The following NMBR variants were observed in gnomAD, a reference collection of about 807,000 sequenced individuals.
NMBR encodes the protein neuromedin-B receptor.
Under a neutral mutation model 20.5 loss-of-function variants are expected in NMBR, and 16 were observed. That is an observed-to-expected ratio of 0.78 (90% CI 0.53 to 1.19). NMBR has a LOEUF of 1.19. Among genes scored for constraint, NMBR ranks in the 50% most tolerant of loss-of-function variants. The probability of loss-of-function intolerance (pLI) is 0.00; values close to 1 mark genes in which losing one functional copy is unlikely to be tolerated. For synonymous variants in NMBR, 212 were observed against 196.6 expected, an observed-to-expected ratio of 1.08 and a Z score of -0.65; for missense variants, 582 against 499.1, an observed-to-expected ratio of 1.17 and a Z score of -1.58.
chr6:142,143,983 C>T (rs1358028602), intron 1 of NMBR, among the ~76,000 whole-genome samples: 5 of 152,142 alleles, frequency 3.3e-5, no homozygotes, highest in African/African-American at 7.2e-5. Flanking sequence ...TTTGTGAATA[C>T]ATTATATTCG....
At chr6:142,097,606 T>C (rs558852058) in intron 1 of NMBR, among the ~76,000 whole-genome samples, 2 of 152,216 alleles carry the variant, frequency 1.3e-5, no homozygotes, top group South Asian at 4.1e-4. Flanking sequence ...CTGGGGGCTG[T>C]CTGTGATGTT....
chr6:142,097,640 G>A (rs1213144044), intron 1 of NMBR, among the ~76,000 whole-genome samples: 1 of 151,964 alleles, frequency 6.6e-6, no homozygotes, highest in Non-Finnish European at 1.5e-5. Context: ...ACGCAACAAG[G>A]TAAAATTAAA....
chr6:142,127,361 C>A (rs1778058784), intron 1 of NMBR, among the ~76,000 whole-genome samples: 1 of 151,836 alleles, frequency 6.6e-6, no homozygotes, highest in Non-Finnish European at 1.5e-5. Flanking sequence ...GTTTTTATGC[C>A]AATACTATAC....
At chr6:142,086,652 C>A (rs1268239947) in intron 2 of NMBR, among the ~76,000 whole-genome samples, 1 of 152,008 alleles carries the variant, frequency 6.6e-6, no homozygotes, top group East Asian at 1.9e-4. Context: ...AAGTATTCAT[C>A]CTGTATTCAC....
At chr6:142,122,489 T>G (rs927368810) in intron 1 of NMBR, among the ~76,000 whole-genome samples, 7 of 151,990 alleles carry the variant, frequency 4.6e-5, no homozygotes, top group African/African-American at 1.7e-4. Context: ...AAATAATTGA[T>G]GAAGGTGGCA....
chr6:142,141,233 G>A (rs1423445003), intron 1 of NMBR, among the ~76,000 whole-genome samples: 1 of 151,934 alleles, frequency 6.6e-6, no homozygotes, highest in Non-Finnish European at 1.5e-5. Context: ...TGGTCACAAT[G>A]GAATTAAACT....
intron 1 of NMBR, among the ~76,000 whole-genome samples, chr6:142,122,686 A>G (rs902815633): frequency 3.9e-5 from 6 of 151,932 alleles, no homozygotes; most frequent in Admixed American, 3.9e-4. Flanking sequence ...TTTGGAATTC[A>G]AAAAATCCTG....
At chr6:142,132,884 A>G (rs1400107852) in intron 1 of NMBR, among the ~76,000 whole-genome samples, 1 of 145,570 alleles carries the variant, frequency 6.9e-6, no homozygotes, top group Non-Finnish European at 1.6e-5. Context: ...CTGGCTGGCT[A>G]TGCTGACAGT....
chr6:142,094,374 A>G (rs1441847090), intron 1 of NMBR, among the ~76,000 whole-genome samples: 2 of 152,070 alleles, frequency 1.3e-5, no homozygotes, highest in Non-Finnish European at 1.5e-5. Context: ...CATATGGCTG[A>G]CCAGTTTTCC....
intron 1 of NMBR, among the ~76,000 whole-genome samples, chr6:142,137,705 G>A (rs536654891): frequency 1.0e-3 from 158 of 152,208 alleles, no homozygotes; most frequent in African/African-American, 3.5e-3. Flanking sequence ...TTAGCATGAA[G>A]CGTTGTTGAA....
At chr6:142,117,302 C>T (rs1021895526) in intron 1 of NMBR, among the ~76,000 whole-genome samples, 1 of 151,840 alleles carries the variant, frequency 6.6e-6, no homozygotes, top group Admixed American at 6.6e-5. Context: ...AACATAATCA[C>T]CTCACATATA....
At chr6:142,120,594 G>T (rs575684553) in intron 1 of NMBR, among the ~76,000 whole-genome samples, 11 of 151,992 alleles carry the variant, frequency 7.2e-5, no homozygotes, top group African/African-American at 2.6e-4. Context: ...TACAAACAGG[G>T]CTGAAAGTAA....
At chr6:142,139,516 T>C (rs1016230413) in intron 1 of NMBR, among the ~76,000 whole-genome samples, 22 of 152,200 alleles carry the variant, frequency 1.4e-4, no homozygotes, top group African/African-American at 5.3e-4. Flanking sequence ...CTCTCGCTTT[T>C]CCAGCTACCT....
At chr6:142,108,985 G>GC (rs1777711316) in intron 1 of NMBR, among the ~76,000 whole-genome samples, 1 of 152,116 alleles carries the variant, frequency 6.6e-6, no homozygotes, top group Non-Finnish European at 1.5e-5. Flanking sequence ...GGGAGAAATT[G>GC]ACCAAAACAA....
At chr6:142,128,628 T>A (rs1205127593) in intron 1 of NMBR, among the ~76,000 whole-genome samples, 1 of 152,144 alleles carries the variant, frequency 6.6e-6, no homozygotes, top group African/African-American at 2.4e-5. Flanking sequence ...GAAATGATCA[T>A]GTGGTTTTTG....
intron 2 of NMBR, among the ~76,000 whole-genome samples, chr6:142,086,503 A>G (rs1050077079): frequency 2.6e-5 from 4 of 152,260 alleles, no homozygotes; most frequent in Non-Finnish European, 4.4e-5. Context: ...TTTTAAGTGA[A>G]TCATGGAATA....
chr6:142,079,438 T>C (rs1562390385), intron 2 of NMBR, among the ~76,000 whole-genome samples: 1 of 152,198 alleles, frequency 6.6e-6, no homozygotes, highest in Admixed American at 6.5e-5. Flanking sequence ...ATCCTAGTCA[T>C]TTCATTTCCA....
At chr6:142,089,613 T>A (rs1777282642) in intron 1 of NMBR, among the ~76,000 whole-genome samples, 1 of 152,154 alleles carries the variant, frequency 6.6e-6, no homozygotes, top group South Asian at 2.1e-4. Flanking sequence ...GTGTGCCTCC[T>A]ATTGAGCATC....
rs374713492 is a variant in NMBR at position 142,088,404 on chromosome 6, C to T, written c.255G>A (p.Leu85=). The change falls in exon 2 of 4, where the codon CTG becomes CTA. Residue 85 remains leucine (L), a synonymous_variant. Transcript: ENST00000258042. ...RSVPNIFISN[L]AAGDLLLLLT... ...GCAGCAGCAGCAAGTCCCCGGCCGC[C>T]AGGTTAGAGATGAAGATGTTGGGGA... 3.7e-6 allele frequency: 6 copies of T among 1,613,902 alleles called. No homozygotes were observed. The highest frequency in any genetic ancestry group is 3.4e-6 in the Non-Finnish European group (4 of 1,180,006).
Sources: allele counts gnomAD v4.1 joint callset (sites outside exome capture counted in the v4.1 genomes callset), GRCh38; gene constraint gnomAD v4.1.1; transcripts MANE v1.5; gene names NCBI Gene and HGNC (gene_info 2026-07-23, HGNC 2026-07-21).